The following MAFF variants were observed in gnomAD, a reference collection of about 807,000 sequenced individuals.
The protein encoded by MAFF is MAF bZIP transcription factor F.
A neutral mutation model predicts 2.7 loss-of-function variants in MAFF; 4 were observed. The ratio of observed to expected loss-of-function variants is 1.48; its 90% CI spans 0.73 to 3.39. MAFF has a LOEUF of 3.39. Among genes scored for constraint, MAFF ranks in the 30% most tolerant of loss-of-function variants. MAFF has a pLI of 0.01. For synonymous variants in MAFF, 113 were observed against 119.4 expected, an observed-to-expected ratio of 0.95 and a Z score of 0.35; for missense variants, 190 against 246.6, an observed-to-expected ratio of 0.77 and a Z score of 1.54.
rs1219567449 is a variant in MAFF at position 38,215,079 on chromosome 22, T to G, written c.*201T>G. 1 of 531,800 alleles carries G rather than the reference T, an allele frequency of 1.9e-6. No homozygotes were observed. The highest frequency in any genetic ancestry group is 2.8e-4 in the Middle Eastern group (1 of 3,610). The allele number at this position is 531,800 out of a possible 1,614,324, so 32.9% of individuals were successfully genotyped here. A position where few individuals can be genotyped will look rare whatever the true frequency, so the allele number is the denominator to read the frequency against. On this transcript the variant is annotated 3_prime_UTR_variant, in exon 3 of 3. Transcript: ENST00000338483. Reference sequence around the variant, plus strand: ...ATGACCCTGGGAAGGGGAACTTGGGTAGGTTGGGGATGGGGCAGAGGTCTG... The same window carrying G: ...ATGACCCTGGGAAGGGGAACTTGGGGAGGTTGGGGATGGGGCAGAGGTCTG...
In MAFF at chr22:38,214,976, C is replaced by T. The variant is rs2091135516; in HGVS notation, c.*98C>T. On this transcript the variant is annotated 3_prime_UTR_variant, in exon 3 of 3. Transcript: ENST00000338483. This position sits in a 1 kb window ranked among gnomAD's most constrained non-coding sequence, Gnocchi z 6.3. ...TCTGTGCCCAGGTCCCATTTCTCTG[C>T]AGCACTGGCCCCTTGGTGCACACAC... The T allele has an allele frequency of 1.1e-6, 1 of 886,106 alleles. No individual in the cohort carries two copies. Among genetic ancestry groups the T allele is most frequent in the East Asian group, 3.1e-5 (1 of 31,928 alleles). The allele number at this position is 886,106 out of a possible 1,614,324, so 54.9% of individuals were successfully genotyped here.
chr22:38,214,429 G>T lies in MAFF; in HGVS notation c.46G>T (p.Glu16Ter). The T allele has an allele frequency of 6.2e-7, 1 of 1,600,124 alleles. No individual in the cohort carries two copies. The change falls in exon 3 of 3, where the codon GAG becomes TAG. Residue 16 changes from glutamate (E) to a stop codon, truncating the protein, a stop_gained. Transcript: ENST00000338483. LOFTEE classifies it high-confidence loss of function. This position sits in a 1 kb window ranked among gnomAD's most constrained non-coding sequence, Gnocchi z 6.3. The part of the protein sequence containing the change: ...LSSKALKIKR[E>*]LSENTPHLSD... ...TTCCTCATGCCCGCAGATCAAGCGAGAGCTGAGCGAGAACACGCCGCACCT... is the reference window on the plus strand; with the variant it reads ...TTCCTCATGCCCGCAGATCAAGCGATAGCTGAGCGAGAACACGCCGCACCT...
rs756428241 is a variant in MAFF at position 38,214,369 on chromosome 22, C to CG, written c.37-44dup. 7.1e-5 allele frequency: 105 copies of CG among 1,481,356 alleles called. No homozygotes were observed. Among genetic ancestry groups the CG allele is most frequent in the Admixed American group, 2.9e-4 (14 of 48,166 alleles). 91.8% of individuals were successfully genotyped at this position (1,481,356 alleles called of 1,614,324 possible). On this transcript the variant is annotated intron_variant, in intron 2 of 2. Transcript: ENST00000338483. This position sits in a 1 kb window ranked among gnomAD's most constrained non-coding sequence, Gnocchi z 6.3. ...TGAAAGAGGAACACCGCGGGTGGAG[C>CG]GGGGGGGCCCGTCCCCAGTCCCCTG... is the stretch of plus-strand genomic sequence containing the variant.
chr22:38,209,227 G>A (rs2091078150), intron 1 of MAFF, among the ~76,000 whole-genome samples: 1 of 151,880 alleles, frequency 6.6e-6, no homozygotes, highest in Non-Finnish European at 1.5e-5. Context: ...ACCACACCCG[G>A]CTAATTTTTT....
chr22:38,208,977 C>A (rs1262946626), intron 1 of MAFF, among the ~76,000 whole-genome samples: 1 of 150,364 alleles, frequency 6.7e-6, no homozygotes, highest in African/African-American at 2.4e-5. Context: ...GCTGGACACA[C>A]AGGGCCTGGG....
chr22:38,211,927 G>T (rs948262597), intron 1 of MAFF, among the ~76,000 whole-genome samples: 1 of 152,176 alleles, frequency 6.6e-6, no homozygotes, highest in Non-Finnish European at 1.5e-5. Flanking sequence ...TGCTCTTTCC[G>T]ATACGGTACG....
intron 1 of MAFF, chr22:38,205,464 A>G (rs1307788769): frequency 6.6e-6 from 1 of 152,360 alleles, no homozygotes; most frequent in African/African-American, 2.4e-5. Flanking sequence ...GCAGCCAGAA[A>G]GGAGCCCATG....
chr22:38,213,940 G>A (rs372577633), intron 2 of MAFF, 51 bp downstream of exon 2: 70 of 1,597,912 alleles, frequency 4.4e-5, no homozygotes, highest in Non-Finnish European at 5.9e-5. Flanking sequence ...CCCTGCCCAT[G>A]CAGAGCCTCC....
At chr22:38,204,850 G>C (rs1176921060) in intron 1 of MAFF, among the ~76,000 whole-genome samples, 1 of 152,122 alleles carries the variant, frequency 6.6e-6, no homozygotes, top group East Asian at 1.9e-4. Flanking sequence ...GGCATTGCAG[G>C]GTTTTGAAAT....
Position 38,215,597 on chromosome 22 carries a change from G to A in MAFF, c.*719G>A. The A allele has an allele frequency of 6.0e-6, 1 of 167,632 alleles. No individual in the cohort carries two copies. The allele number at this position is 167,632 out of a possible 1,614,324, so 10.4% of individuals were successfully genotyped here. A position where few individuals can be genotyped will look rare whatever the true frequency, so the allele number is the denominator to read the frequency against. On this transcript the variant is annotated 3_prime_UTR_variant, in exon 3 of 3. Transcript: ENST00000338483. ...TCTGCAAGGGAGGGGGAGAGAAGCA[G>A]AGGGAGAGAGAAGGTGACACGGATG...
chr22:38,208,851 T>C (rs1474876303), intron 1 of MAFF, among the ~76,000 whole-genome samples: 2 of 150,592 alleles, frequency 1.3e-5, no homozygotes, highest in Non-Finnish European at 3.0e-5. Flanking sequence ...GGGAGAGAAA[T>C]ATCATGGGGT....
At position 38,214,896 on chromosome 22, in the gene MAFF, C is replaced by A. The variant is rs1174837797; in HGVS notation, c.*18C>A. ...GCTCCTAGTGCCCGCCCCCGCCATG[C>A]CTCAGCCACGCCCCTCCGGCCTCAG... On this transcript the variant is annotated 3_prime_UTR_variant, in exon 3 of 3. Transcript: ENST00000338483. The surrounding 1 kb of genome is among the most constrained non-coding windows in gnomAD (Gnocchi z 6.3). 15 of 1,505,258 alleles carry A rather than the reference C, an allele frequency of 1.0e-5. No individual in the cohort carries two copies. Among genetic ancestry groups the A allele is most frequent in the Non-Finnish European group, 1.3e-5 (15 of 1,117,574 alleles). 93.2% of individuals were successfully genotyped at this position (1,505,258 alleles called of 1,614,324 possible).
chr22:38,210,623 A>AGAGTGTGTGTGT (rs149088492), intron 1 of MAFF, among the ~76,000 whole-genome samples: 6 of 132,920 alleles, frequency 4.5e-5, no homozygotes, highest in Non-Finnish European at 7.9e-5. Flanking sequence ...GGACACAGGG[A>AGAGTGTGTGTGT]GTGTGTGTGT....
intron 1 of MAFF, among the ~76,000 whole-genome samples, chr22:38,210,929 A>T (rs2091094947): frequency 6.6e-6 from 1 of 152,028 alleles, no homozygotes; most frequent in Non-Finnish European, 1.5e-5. Context: ...GTGTGGTGGC[A>T]TGCACCTATA....
At position 38,202,278 on chromosome 22, in the gene MAFF, G is replaced by T. The variant is rs2091018731; in HGVS notation, c.-32+66G>T. ...AAGGCGGCAGGGTTTCTGCGTCCCG[G>T]GATGCGCCTGGGGTGGGCGCCCGGG... On this transcript the variant is annotated intron_variant, in intron 1 of 2. Transcript: ENST00000338483. The surrounding 1 kb of genome is among the most constrained non-coding windows in gnomAD (Gnocchi z 7.4). The T allele has an allele frequency of 1.3e-5, 2 of 152,328 alleles. No homozygotes were observed. Among genetic ancestry groups the T allele is most frequent in the African/African-American group, 4.8e-5 (2 of 41,572 alleles). The allele number at this position is 152,328 out of a possible 1,614,324, so 9.4% of individuals were successfully genotyped here. A position where few individuals can be genotyped will look rare whatever the true frequency, so the allele number is the denominator to read the frequency against.
chr22:38,208,898 G>A (rs1311051595), intron 1 of MAFF, among the ~76,000 whole-genome samples: 2 of 152,062 alleles, frequency 1.3e-5, no homozygotes, highest in East Asian at 3.9e-4. Flanking sequence ...GCGGGTGGGA[G>A]GAAGTGAAAG....
intron 1 of MAFF, 78 bp from the exon 2 acceptor site, chr22:38,213,745 C>A: frequency 9.5e-7 from 1 of 1,049,888 alleles, no homozygotes; most frequent in Non-Finnish European, 1.5e-6. Context: ...CCTTGAATGG[C>A]AAGGTAGTGA....
rs1312286581 is a variant in MAFF, at chr22:38,202,012, T to C, written c.-232T>C. 1 of 152,272 alleles carries C rather than the reference T, an allele frequency of 6.6e-6. No homozygotes were observed. The highest frequency in any genetic ancestry group is 1.5e-5 in the Non-Finnish European group (1 of 68,092). 9.4% of individuals were successfully genotyped at this position (152,272 alleles called of 1,614,324 possible). On this transcript the variant is annotated 5_prime_UTR_variant, in exon 1 of 3. Transcript: ENST00000338483. This position sits in a 1 kb window ranked among gnomAD's most constrained non-coding sequence, Gnocchi z 7.4. Reference sequence around the variant, plus strand: ...AGTGAGTAATTCCGGGAAGCTCGCCTTACAACTCCGCGCGGCCTCGGCCCC... The same window carrying C: ...AGTGAGTAATTCCGGGAAGCTCGCCCTACAACTCCGCGCGGCCTCGGCCCC...
At chr22:38,206,896 G>A (rs1178456101) in intron 1 of MAFF, among the ~76,000 whole-genome samples, 2 of 152,102 alleles carry the variant, frequency 1.3e-5, no homozygotes, top group African/African-American at 2.4e-5. Flanking sequence ...CTCCCCAAAC[G>A]GCTGGTAAGG....
Sources: gnomAD v4.1 joint callset for allele counts (sites outside exome capture counted in the v4.1 genomes callset) on GRCh38, gnomAD v4.1.1 for gene constraint, Gnocchi (gnomAD v3.1) non-coding constraint, MANE v1.5 for transcripts, NCBI Gene and HGNC (gene_info 2026-07-23, HGNC 2026-07-21) for gene names.